The following LIPI variants were observed in gnomAD, a reference collection of about 807,000 sequenced individuals.
LIPI encodes lipase I, also known as lipase member I.
Under a neutral mutation model 50.6 loss-of-function variants are expected in LIPI, and 59 were observed. The ratio of observed to expected loss-of-function variants is 1.16; its 90% CI spans 0.94 to 1.45. The LOEUF is 1.45. LIPI is among the 40% of genes most tolerant of loss of function. The pLI is 0.00. For missense variants in LIPI, 586 were observed against 536.3 expected (o/e 1.09, Z -0.92); for synonymous variants, 203 against 178.2 (o/e 1.14, Z -1.11).
At chr21:14,174,798 C>T (rs535500175) in intron 4 of LIPI, among the ~76,000 whole-genome samples, 2 of 152,150 alleles carry the variant, frequency 1.3e-5, no homozygotes, top group African/African-American at 2.4e-5. Context: ...CGTGATCCCC[C>T]GCCTCGGCCT....
chr21:14,210,545 A>T (rs550111251), intron 1 of LIPI, among the ~76,000 whole-genome samples: 19 of 151,954 alleles, frequency 1.3e-4, no homozygotes, highest in South Asian at 8.3e-4. Flanking sequence ...ATCTTTTTTT[A>T]AAAAAAGGTT....
intron 7 of LIPI, among the ~76,000 whole-genome samples, chr21:14,154,197 C>T (rs55911104): frequency 2.4e-4 from 36 of 150,904 alleles, no homozygotes; most frequent in Admixed American, 9.2e-4. Context: ...TACATTCAGT[C>T]TGATGAAATG....
intron 9 of LIPI, among the ~76,000 whole-genome samples, chr21:14,128,784 A>G (rs917174035): frequency 4.6e-5 from 7 of 152,104 alleles, no homozygotes; most frequent in African/African-American, 1.7e-4. Flanking sequence ...ATAACTCTAA[A>G]GATAAATTCT....
chr21:14,150,466 T>C (rs1374931630), intron 8 of LIPI, among the ~76,000 whole-genome samples: 1 of 152,232 alleles, frequency 6.6e-6, no homozygotes, highest in African/African-American at 2.4e-5. Context: ...GCTACAATTA[T>C]GCATGAGTCT....
chr21:14,179,393 A>T (rs2019194869), intron 4 of LIPI, among the ~76,000 whole-genome samples: 1 of 152,202 alleles, frequency 6.6e-6, no homozygotes, highest in African/African-American at 2.4e-5. Context: ...TCATGAAAAG[A>T]TCAATCCAAT....
intron 9 of LIPI, among the ~76,000 whole-genome samples, chr21:14,119,414 T>C (rs1324418069): frequency 6.6e-6 from 1 of 152,148 alleles, no homozygotes; most frequent in African/African-American, 2.4e-5. Flanking sequence ...GGCTTTTACA[T>C]CTCTCAAGGG....
intron 2 of LIPI, 148 bp from the exon 3 acceptor site, chr21:14,186,217 G>A (rs368185058): frequency 1.6e-5 from 10 of 619,080 alleles, no homozygotes; most frequent in East Asian, 8.3e-5. Context: ...ATAATTTCAA[G>A]ATGACTATAT....
At chr21:14,131,176 C>G (rs2017280675) in intron 9 of LIPI, among the ~76,000 whole-genome samples, 1 of 151,830 alleles carries the variant, frequency 6.6e-6, no homozygotes, top group South Asian at 2.1e-4. Context: ...GGTCTCGATC[C>G]CCTGATCTCA....
intron 8 of LIPI, among the ~76,000 whole-genome samples, chr21:14,149,500 C>T (rs1455539690): frequency 6.6e-6 from 1 of 152,142 alleles, no homozygotes; most frequent in African/African-American, 2.4e-5. Context: ...TCCAACAGTC[C>T]CCCAAAGTCT....
At chr21:14,113,706 T>C (rs1212971991) in intron 9 of LIPI, among the ~76,000 whole-genome samples, 2 of 152,212 alleles carry the variant, frequency 1.3e-5, no homozygotes, top group Non-Finnish European at 2.9e-5. Context: ...TGTATTAGTC[T>C]GTTCTCACAC....
Position 14,115,135 on chromosome 21 carries a change from G to A in LIPI, c.1296-6055C>T, listed in dbSNP as rs372465226. The stretch of plus-strand genomic sequence containing the variant: ...TCCCCACCCCCCATAGTCTAAGTTA[G>A]AGAAGAATACTAACTACCTGTTTTT... On this transcript the variant is annotated intron_variant, in intron 9 of 9. Coordinates refer to ENST00000681601, the MANE Select transcript of LIPI (RefSeq NM_001302998.2). Among the ~76,000 whole-genome samples, 68 of 152,158 alleles carry A rather than the reference G, an allele frequency of 4.5e-4. 2 individuals carry two copies. The highest frequency in any genetic ancestry group is 1.5e-3 in the African/African-American group (63 of 41,514).
intron 9 of LIPI, among the ~76,000 whole-genome samples, chr21:14,110,148 T>C (rs1332860574): frequency 6.6e-6 from 1 of 151,726 alleles, no homozygotes; most frequent in African/African-American, 2.4e-5. Context: ...GTAATAAAAA[T>C]TTTTTATGAA....
chr21:14,112,553 T>A (rs899789680), intron 9 of LIPI, among the ~76,000 whole-genome samples: 6 of 152,094 alleles, frequency 3.9e-5, no homozygotes, highest in Non-Finnish European at 8.8e-5. Flanking sequence ...ATTGTTTACC[T>A]TTTTGATTAA....
In LIPI at chr21:14,177,342, C is replaced by T. The variant is rs189957826; in HGVS notation, c.643+4416G>A. ...TTTGCTTCCTTGCTTTTATATATGTCTTTAATAAATAAGAGTTGGATTTTT... is the reference window on the plus strand; with the variant it reads ...TTTGCTTCCTTGCTTTTATATATGTTTTTAATAAATAAGAGTTGGATTTTT... On this transcript the variant is annotated intron_variant, in intron 4 of 9. Transcript: ENST00000681601. Among the ~76,000 whole-genome samples the T allele has an allele frequency of 5.6e-4, 85 of 151,896 alleles. 1 individual carries two copies. In the East Asian group the frequency reaches 0.013, roughly 24 times the overall value.
intron 4 of LIPI, among the ~76,000 whole-genome samples, chr21:14,179,611 G>A (rs1189231755): frequency 1.3e-5 from 2 of 152,256 alleles, no homozygotes; most frequent in Middle Eastern, 3.4e-3. Context: ...CAAATAGAGG[G>A]ACCGGCTGGA....
intron 7 of LIPI, among the ~76,000 whole-genome samples, chr21:14,157,565 C>G (rs1394357922): frequency 1.3e-5 from 2 of 151,692 alleles, no homozygotes; most frequent in Non-Finnish European, 2.9e-5. Flanking sequence ...CTAAAAGCAA[C>G]AGAGTATAAA....
intron 1 of LIPI, among the ~76,000 whole-genome samples, chr21:14,189,953 A>G (rs1020332850): frequency 3.9e-5 from 6 of 152,086 alleles, no homozygotes; most frequent in African/African-American, 1.4e-4. Context: ...TTCCTTTGAA[A>G]TTTTGCATGT....
chr21:14,167,071 G>A lies in LIPI; in HGVS notation c.644-620C>T, dbSNP rs569410568. Among the ~76,000 whole-genome samples the A allele has an allele frequency of 3.3e-5, 5 of 152,344 alleles. No individual in the cohort carries two copies. In the South Asian group the frequency reaches 1.0e-3, roughly 32 times the overall value. On this transcript the variant is annotated intron_variant, in intron 4 of 9. Transcript: ENST00000681601. ...CACCAGGAGATTATATCCCACACAT[G>A]GCTCGGAGGGTCCTACGCCCACGGA...
rs2019561538 is a variant in LIPI, at chr21:14,189,125, C to T, written c.341G>A (p.Ser114Asn). 6.2e-7 allele frequency: 1 copy of T among 1,613,856 alleles called. No individual in the cohort carries two copies. The highest frequency in any genetic ancestry group is 8.5e-7 in the Non-Finnish European group (1 of 1,179,978). The change falls in exon 2 of 10, where the codon AGC (serine) becomes AAC (asparagine). Residue 114 changes from serine to asparagine, a missense_variant. Physicochemically the swap from Ser to Asn is conservative, Grantham distance 46. Transcript: ENST00000681601. ...ATAAATAAAAGTTGTAGCACCCCGGCTCCAGTCTACTACAATTACATTCAT... is the reference window on the plus strand; with the variant it reads ...ATAAATAAAAGTTGTAGCACCCCGGTTCCAGTCTACTACAATTACATTCAT... ...EDMNVIVVDWSRGATTFIYNR... is the reference protein window; with the variant it reads ...EDMNVIVVDWNRGATTFIYNR...
Sources: gnomAD v4.1 joint callset for allele counts (sites outside exome capture counted in the v4.1 genomes callset) on GRCh38, gnomAD v4.1.1 for gene constraint, MANE v1.5 for transcripts, NCBI Gene and HGNC (gene_info 2026-07-23, HGNC 2026-07-21) for gene names.